Variants in RECQL5 observed in about 807,000 individuals in gnomAD.
RECQL5 encodes the protein ATP-dependent DNA helicase Q5.
Under a neutral mutation model 103.4 loss-of-function variants are expected in RECQL5, and 88 were observed. The observed-to-expected ratio is 0.85, with a 90% CI of 0.72 to 1.02. RECQL5 has a LOEUF of 1.02. RECQL5 is among the 50% of genes least tolerant of loss of function. The probability of loss-of-function intolerance (pLI) is 0.00; values close to 1 mark genes in which losing one functional copy is unlikely to be tolerated. For synonymous variants in RECQL5, 552 were observed against 507.9 expected, an observed-to-expected ratio of 1.09 and a Z score of -1.17; for missense variants, 1,232 against 1,284.3, an observed-to-expected ratio of 0.96 and a Z score of 0.62.
intron 8 of RECQL5, among the ~76,000 whole-genome samples, chr17:75,645,821 C>G (rs937240182): frequency 3.9e-5 from 6 of 152,206 alleles, no homozygotes; most frequent in African/African-American, 1.4e-4. Flanking sequence ...GACATCCTGG[C>G]AACCCCAGAG....
chr17:75,637,167 GCA>G (rs2059339343), intron 8 of RECQL5: 1 of 152,298 alleles, frequency 6.6e-6, no homozygotes, highest in Non-Finnish European at 1.5e-5. Context: ...GTTCTGGTGA[GCA>G]CAGCCCCAGG....
At chr17:75,650,953 G>A in intron 8 of RECQL5, 9 of 1,458,496 alleles carry the variant, frequency 6.2e-6, no homozygotes, top group Admixed American at 5.4e-5. Context: ...TGGAGTGGAG[G>A]GAAGGACACC....
At chr17:75,634,276 G>A (rs546076284) in intron 8 of RECQL5, 1 of 984,278 alleles carries the variant, frequency 1.0e-6, no homozygotes, top group Admixed American at 6.1e-5. Context: ...CAGGGTGAAG[G>A]GCCACAGTCT....
chr17:75,645,567 A>T (rs2059479048), intron 8 of RECQL5, among the ~76,000 whole-genome samples: 1 of 152,260 alleles, frequency 6.6e-6, no homozygotes, highest in Non-Finnish European at 1.5e-5. Flanking sequence ...ACTCTTGATA[A>T]GCATCTGACT....
chr17:75,631,138 G>A lies in RECQL5; in HGVS notation c.1548+12C>T, dbSNP rs761290868. On this transcript the variant is annotated intron_variant, in intron 10 of 19. Transcript: ENST00000317905. ...AGGGGCCCCACACAGGCCACTGAGTGCCTCCCCTCACCTTGCGCAGCTGCA... is the reference window on the plus strand; with the variant it reads ...AGGGGCCCCACACAGGCCACTGAGTACCTCCCCTCACCTTGCGCAGCTGCA... The A allele has an allele frequency of 1.9e-6, 3 of 1,613,032 alleles. No individual in the cohort carries two copies. Among genetic ancestry groups the A allele is most frequent in the South Asian group, 1.1e-5 (1 of 91,074 alleles).
rs1201840146 is a variant in RECQL5 at position 75,631,211 on chromosome 17, C to T, written c.1487G>A (p.Arg496Lys). The change falls in exon 10 of 20, where the codon AGA becomes AAA. Residue 496 changes from arginine (R) to lysine (K), a missense_variant. Transcript: ENST00000317905. ...CCACTCCCGCTTGTGGGCCTCATCT[C>T]TGCCTTCATCCCCGCTGCCTCCAGA... ...EGSGGSGDEG[R>K]DEAHKREWNL... The T allele has an allele frequency of 3.7e-6, 6 of 1,613,838 alleles. No individual in the cohort carries two copies. The African/African-American group carries it at 5.3e-5, about 14-fold the overall frequency.
intron 8 of RECQL5, chr17:75,633,318 G>T: frequency 1.6e-6 from 1 of 644,908 alleles, no homozygotes; most frequent in Non-Finnish European, 2.2e-6. Flanking sequence ...AGCGGGGCTG[G>T]GGTCGGTTTC....
intron 7 of RECQL5, among the ~76,000 whole-genome samples, chr17:75,658,051 A>G (rs1302317434): frequency 6.6e-6 from 1 of 152,148 alleles, no homozygotes; most frequent in Admixed American, 6.5e-5. Flanking sequence ...CTGTCTCAAA[A>G]AAAAGAAAAA....
At chr17:75,665,642 A>G (rs2059762552) in intron 2 of RECQL5, among the ~76,000 whole-genome samples, 2 of 150,466 alleles carry the variant, frequency 1.3e-5, no homozygotes, top group African/African-American at 4.9e-5. Context: ...GTGAGCCGAG[A>G]TCGCGCCACT....
Position 75,636,508 on chromosome 17 carries a change from A to C in RECQL5, c.1230-4840T>G, listed in dbSNP as rs914714631. 1.3e-5 allele frequency: 2 copies of C among 152,202 alleles called. No homozygotes were observed. Among genetic ancestry groups the C allele is most frequent in the African/African-American group, 4.8e-5 (2 of 41,434 alleles). 9.4% of individuals were successfully genotyped at this position (152,202 alleles called of 1,614,324 possible). A position where few individuals can be genotyped will look rare whatever the true frequency, so the allele number is the denominator to read the frequency against. On this transcript the variant is annotated intron_variant, in intron 8 of 19. Transcript: ENST00000317905. The surrounding 1 kb of genome is among the most constrained non-coding windows in gnomAD (Gnocchi z 5.4). ...CATGTTCCCCTCGCCACAGCTGGGA[A>C]CACTAAGGTTCCCTTAGGAGCAGCG... is the stretch of plus-strand genomic sequence containing the variant.
chr17:75,666,015 T>C (rs1343702887), intron 2 of RECQL5, among the ~76,000 whole-genome samples: 1 of 152,206 alleles, frequency 6.6e-6, no homozygotes, highest in Non-Finnish European at 1.5e-5. Flanking sequence ...CCACCCTCAC[T>C]GTTGCTGTTC....
At chr17:75,655,258 G>A (rs1030232451) in intron 7 of RECQL5, among the ~76,000 whole-genome samples, 5 of 151,952 alleles carry the variant, frequency 3.3e-5, no homozygotes, top group African/African-American at 1.2e-4. Context: ...TTTTAGTAGA[G>A]ACGGGGTTTC....
At chr17:75,661,932 G>A (rs750000843) in intron 4 of RECQL5, among the ~76,000 whole-genome samples, 2 of 152,320 alleles carry the variant, frequency 1.3e-5, no homozygotes, top group Admixed American at 6.5e-5. Flanking sequence ...AGGCCAAGGT[G>A]GGGGGAATCA....
intron 8 of RECQL5, chr17:75,633,648 G>C: frequency 8.5e-7 from 1 of 1,176,300 alleles, no homozygotes. Flanking sequence ...GTTCCTGAGA[G>C]AGGCCAGAGG....
Position 75,640,944 on chromosome 17 carries a change from C to T in RECQL5, c.1230-9276G>A. The stretch of plus-strand genomic sequence containing the variant: ...GAAGCTGGAGAGGAGATGGCCAATG[C>T]CATGACACAGGCCATCAGCCTGGCC... On this transcript the variant is annotated intron_variant, in intron 8 of 19. Coordinates refer to ENST00000317905, the MANE Select transcript of RECQL5 (RefSeq NM_004259.7). This position sits in a 1 kb window ranked among gnomAD's most constrained non-coding sequence, Gnocchi z 4.6. 2 of 1,532,344 alleles carry T rather than the reference C, an allele frequency of 1.3e-6. No individual in the cohort carries two copies. The highest frequency in any genetic ancestry group is 1.8e-6 in the Non-Finnish European group (2 of 1,142,284). 94.9% of individuals were successfully genotyped at this position (1,532,344 alleles called of 1,614,324 possible).
At chr17:75,639,216 A>T (rs2059386161) in intron 8 of RECQL5, 2 of 152,336 alleles carry the variant, frequency 1.3e-5, no homozygotes, top group African/African-American at 4.8e-5. Context: ...CAAGGCAACG[A>T]TAATTACAGC....
chr17:75,655,524 C>T (rs768173681), intron 7 of RECQL5, among the ~76,000 whole-genome samples: 4 of 151,970 alleles, frequency 2.6e-5, no homozygotes, highest in Non-Finnish European at 5.9e-5. Flanking sequence ...CCACGACGCC[C>T]AGCTAATATT....
chr17:75,655,050 C>T (rs763130224), intron 7 of RECQL5, among the ~76,000 whole-genome samples: 9 of 152,160 alleles, frequency 5.9e-5, no homozygotes, highest in African/African-American at 9.7e-5. Context: ...GTCATTCTCC[C>T]GAAGTGTTGG....
intron 8 of RECQL5, among the ~76,000 whole-genome samples, chr17:75,644,213 G>A (rs747718391): frequency 1.3e-5 from 2 of 152,178 alleles, no homozygotes; most frequent in Non-Finnish European, 2.9e-5. Flanking sequence ...GCTGAAGCAG[G>A]AGAATTGCTT....
Sources: allele counts gnomAD v4.1 joint callset (sites outside exome capture counted in the v4.1 genomes callset), GRCh38; gene constraint gnomAD v4.1.1; non-coding constraint Gnocchi (gnomAD v3.1); transcripts MANE v1.5; gene names NCBI Gene and HGNC (gene_info 2026-07-23, HGNC 2026-07-21).